Variants in MME observed in about 807,000 individuals in gnomAD.
MME encodes membrane metalloendopeptidase.
Under a neutral mutation model 113.2 loss-of-function variants are expected in MME, and 98 were observed. The observed-to-expected ratio is 0.87, with a 90% CI of 0.74 to 1.02. MME has a LOEUF of 1.02. Among genes scored for constraint, MME ranks in the 50% least tolerant of loss-of-function variants. The probability of loss-of-function intolerance (pLI) is 0.00; values close to 1 mark genes in which losing one functional copy is unlikely to be tolerated. For synonymous variants in MME, 292 were observed against 300.6 expected, an observed-to-expected ratio of 0.97 and a Z score of 0.30; for missense variants, 836 against 896.0, an observed-to-expected ratio of 0.93 and a Z score of 0.86.
intron 3 of MME, among the ~76,000 whole-genome samples, chr3:155,104,983 T>A (rs1252805829): frequency 1.3e-5 from 2 of 152,158 alleles, no homozygotes; most frequent in Non-Finnish European, 2.9e-5. Flanking sequence ...TTAACTTAAC[T>A]GTAACACAGT....
intron 22 of MME, among the ~76,000 whole-genome samples, chr3:155,175,677 T>A (rs1712446411): frequency 6.6e-6 from 1 of 152,126 alleles, no homozygotes; most frequent in Non-Finnish European, 1.5e-5. Context: ...AAGGGCACTT[T>A]TAGAACTGAC....
chr3:155,100,488 G>C (rs2108214661), intron 3 of MME, among the ~76,000 whole-genome samples: 1 of 152,326 alleles, frequency 6.6e-6, no homozygotes, highest in East Asian at 1.9e-4. Context: ...GTGGAAGACA[G>C]TGTGGTGATT....
At chr3:155,037,831 T>C (rs1027647064) in intron 1 of MME, among the ~76,000 whole-genome samples, 3 of 152,192 alleles carry the variant, frequency 2.0e-5, no homozygotes, top group Admixed American at 6.5e-5. Flanking sequence ...CCAGTTTTGG[T>C]AGAATTGTGG....
intron 1 of MME, among the ~76,000 whole-genome samples, chr3:155,042,039 T>C (rs1042038936): frequency 3.9e-5 from 6 of 152,188 alleles, no homozygotes; most frequent in African/African-American, 1.4e-4. Context: ...CCTTTAAAGA[T>C]TATTTTAACA....
intron 3 of MME, among the ~76,000 whole-genome samples, chr3:155,104,406 G>T (rs1278086847): frequency 1.3e-5 from 2 of 152,156 alleles, no homozygotes; most frequent in Non-Finnish European, 2.9e-5. Context: ...TTTATTAATA[G>T]TTACTAAATT....
At chr3:155,038,512 G>T (rs1713202128) in intron 1 of MME, among the ~76,000 whole-genome samples, 1 of 152,088 alleles carries the variant, frequency 6.6e-6, no homozygotes, top group Non-Finnish European at 1.5e-5. Context: ...ATCTACAGAG[G>T]CTTGTTTCTA....
At chr3:155,135,424 T>C (rs1304504852) in intron 8 of MME, among the ~76,000 whole-genome samples, 1 of 152,186 alleles carries the variant, frequency 6.6e-6, no homozygotes, top group Non-Finnish European at 1.5e-5. Context: ...TTGTCAACTT[T>C]GTCACAGATC....
intron 22 of MME, among the ~76,000 whole-genome samples, chr3:155,173,075 G>A (rs958896180): frequency 2.0e-5 from 3 of 152,054 alleles, no homozygotes; most frequent in African/African-American, 7.2e-5. Flanking sequence ...GTACATTGAA[G>A]CACAGCCCAT....
chr3:155,035,527 T>C (rs1215432536), intron 1 of MME, among the ~76,000 whole-genome samples: 1 of 151,968 alleles, frequency 6.6e-6, no homozygotes, highest in Non-Finnish European at 1.5e-5. Flanking sequence ...GAACAGAGAT[T>C]ATGGAGGGAG....
chr3:155,075,543 C>T (rs1441681248), upstream of MME, among the ~76,000 whole-genome samples: 1 of 151,552 alleles, frequency 6.6e-6, no homozygotes, highest in East Asian at 1.9e-4. Context: ...TTTGTTTTTT[C>T]TTTCTGCAAA....
intron 8 of MME, among the ~76,000 whole-genome samples, chr3:155,133,632 G>C (rs1163423344): frequency 7.5e-6 from 1 of 133,450 alleles, no homozygotes; most frequent in African/African-American, 2.8e-5. Flanking sequence ...CCATATATAT[G>C]TATATATACA....
intron 3 of MME, among the ~76,000 whole-genome samples, chr3:155,101,123 C>A (rs1050461357): frequency 2.2e-4 from 33 of 152,216 alleles, no homozygotes; most frequent in African/African-American, 7.2e-4. Context: ...ACGTGAGATG[C>A]CTGCTCCTCC....
rs751802248 is a variant in MME, at chr3:155,166,993, C to G, written c.1752C>G (p.His584Gln). 1 of 1,613,674 alleles carries G rather than the reference C, an allele frequency of 6.2e-7. No individual in the cohort carries two copies. Among genetic ancestry groups the G allele is most frequent in the Admixed American group, 1.7e-5 (1 of 59,986 alleles). ...GGGGCATCGGCATGGTCATAGGACA[C>G]GAAATCACCCATGGCTTCGATGACA... ...NYGGIGMVIGHEITHGFDDNG... is the reference protein window; with the variant it reads ...NYGGIGMVIGQEITHGFDDNG... Residue 584 changes from histidine to glutamine, a missense_variant, in exon 18 of 23, where the codon CAC becomes CAG. Physicochemically the swap from His to Gln is conservative, Grantham distance 24. Transcript: ENST00000360490.
upstream of MME, among the ~76,000 whole-genome samples, chr3:155,075,313 T>C (rs1714710467): frequency 6.6e-6 from 1 of 152,176 alleles, no homozygotes; most frequent in Non-Finnish European, 1.5e-5. Flanking sequence ...TATAGCCTTA[T>C]GTTTTAAGTG....
At chr3:155,169,452 G>A (rs1396283601) in intron 20 of MME, among the ~76,000 whole-genome samples, 1 of 152,120 alleles carries the variant, frequency 6.6e-6, no homozygotes, top group Non-Finnish European at 1.5e-5. Context: ...AAGAGCTGGA[G>A]ATAAAGCAAT....
rs1238617376 is a variant in MME at position 155,025,694 on chromosome 3, T to TC, written c.-11+1370_-11+1371insC. The stretch of plus-strand genomic sequence containing the variant: ...GATTTTTTCTTTCTTTCTTTCTTTT[T>TC]TTTTTTTTTTTTTTTTGAGACAGAG... On this transcript the variant is annotated intron_variant, in intron 1 of 22. Coordinates refer to the MME transcript ENST00000492661. Among the ~76,000 whole-genome samples the TC allele has an allele frequency of 6.7e-5, 9 of 133,988 alleles. 1 individual carries two copies. Among genetic ancestry groups the TC allele is most frequent in the African/African-American group, 2.5e-4 (9 of 36,178 alleles). The allele number at this position is 133,988 out of a possible 152,430, so 87.9% of individuals were successfully genotyped here.
At chr3:155,174,582 A>T (rs1309183707) in intron 22 of MME, among the ~76,000 whole-genome samples, 2 of 152,066 alleles carry the variant, frequency 1.3e-5, no homozygotes, top group Non-Finnish European at 2.9e-5. Context: ...CTATTTAAGA[A>T]TTGTGCTTGG....
intron 1 of MME, among the ~76,000 whole-genome samples, chr3:155,050,954 G>A (rs1713742077): frequency 6.6e-6 from 1 of 152,076 alleles, no homozygotes; most frequent in South Asian, 2.1e-4. Context: ...TCTATAGTTG[G>A]GCAGAAAGCA....
At chr3:155,039,829 A>G (rs957653357) in intron 1 of MME, among the ~76,000 whole-genome samples, 2 of 152,198 alleles carry the variant, frequency 1.3e-5, no homozygotes, top group African/African-American at 2.4e-5. Context: ...ATAATTAACA[A>G]ATGAAAATTA....
Sources: gnomAD v4.1 joint callset for allele counts (sites outside exome capture counted in the v4.1 genomes callset) on GRCh38, gnomAD v4.1.1 for gene constraint, MANE v1.5 for transcripts, NCBI Gene and HGNC (gene_info 2026-07-23, HGNC 2026-07-21) for gene names.